WDPCP: variants seen among roughly 807,000 people sequenced by gnomAD.
WDPCP encodes WD repeat containing planar cell polarity effector, also known as WD repeat-containing and planar cell polarity effector protein fritz homolog.
A neutral mutation model predicts 93.1 loss-of-function variants in WDPCP; 71 were observed. The observed-to-expected ratio is 0.76, with a 90% CI of 0.63 to 0.93. The LOEUF (loss-of-function observed/expected upper bound fraction) is 0.93. WDPCP is among the 40% of genes least tolerant of loss of function. The probability of loss-of-function intolerance (pLI) is 0.00; values close to 1 mark genes in which losing one functional copy is unlikely to be tolerated. For missense variants in WDPCP, 844 were observed against 887.4 expected (o/e 0.95, Z 0.62); for synonymous variants, 315 against 315.0 (o/e 1.00, Z 0.00).
chr2:63,804,537 G>A (rs1472989369), intron 2 of WDPCP, among the ~76,000 whole-genome samples: 2 of 151,384 alleles, frequency 1.3e-5, no homozygotes, highest in Non-Finnish European at 2.9e-5. Context: ...TTACAGGTGT[G>A]AGTCACCTCG....
At chr2:63,239,941 T>G (rs1472651843) in intron 14 of WDPCP, among the ~76,000 whole-genome samples, 1 of 152,196 alleles carries the variant, frequency 6.6e-6, no homozygotes, top group African/African-American at 2.4e-5. Flanking sequence ...TGGATATGAA[T>G]AAATGATTTT....
intron 3 of WDPCP, among the ~76,000 whole-genome samples, chr2:63,638,643 A>G (rs574859861): frequency 6.6e-6 from 1 of 152,004 alleles, no homozygotes; most frequent in Non-Finnish European, 1.5e-5. Context: ...TAAAAAATTG[A>G]CTAGGTATGG....
At chr2:63,657,205 G>GTTTT (rs61597471) in intron 2 of WDPCP, among the ~76,000 whole-genome samples, 3,430 of 114,080 alleles carry the variant, frequency 0.03, 385 homozygotes, top group African/African-American at 0.077. Context: ...TCTGGGTGAT[G>GTTTT]TTTTTTTTTT....
chr2:63,761,904 A>C (rs1670060862), intron 2 of WDPCP, among the ~76,000 whole-genome samples: 1 of 152,198 alleles, frequency 6.6e-6, no homozygotes, highest in South Asian at 2.1e-4. Context: ...CTGCCTTATA[A>C]CATGGTATTA....
intron 2 of WDPCP, among the ~76,000 whole-genome samples, chr2:63,658,361 G>A (rs1433051014): frequency 6.6e-6 from 1 of 152,194 alleles, no homozygotes; most frequent in Non-Finnish European, 1.5e-5. Flanking sequence ...GCTTCAGAAA[G>A]TCCTTATGGG....
At chr2:63,541,454 G>A (rs1281148748) in intron 1 of WDPCP, among the ~76,000 whole-genome samples, 2 of 152,066 alleles carry the variant, frequency 1.3e-5, no homozygotes, top group African/African-American at 4.8e-5. Context: ...TGAAAAAGAA[G>A]CATATTTCAG....
chr2:63,146,406 G>GTTT (rs33976806), intron 17 of WDPCP, among the ~76,000 whole-genome samples: 3 of 130,418 alleles, frequency 2.3e-5, no homozygotes, highest in Admixed American at 7.7e-5. Context: ...TTGAGAGCGT[G>GTTT]TTTTTTTTTT....
At chr2:63,475,616 G>A (rs1438564054) in intron 6 of WDPCP, among the ~76,000 whole-genome samples, 1 of 152,026 alleles carries the variant, frequency 6.6e-6, no homozygotes, top group Non-Finnish European at 1.5e-5. Context: ...TGTTGATAGA[G>A]AGCTTAATAA....
chr2:63,562,258 C>T (rs1361689995), intron 1 of WDPCP, among the ~76,000 whole-genome samples: 1 of 152,176 alleles, frequency 6.6e-6, no homozygotes, highest in African/African-American at 2.4e-5. Context: ...CCTCAGCAAA[C>T]TAACACAGGA....
At chr2:63,529,972 C>G (rs1703697009) in intron 1 of WDPCP, among the ~76,000 whole-genome samples, 1 of 152,134 alleles carries the variant, frequency 6.6e-6, no homozygotes, top group Admixed American at 6.5e-5. Context: ...TCTAGATTTT[C>G]TAGTTTATTT....
chr2:63,683,791 G>C (rs1211041497), intron 2 of WDPCP, among the ~76,000 whole-genome samples: 1 of 151,806 alleles, frequency 6.6e-6, no homozygotes, highest in Non-Finnish European at 1.5e-5. Flanking sequence ...GGAGGTTGCA[G>C]TGAGCCAAGA....
chr2:63,783,417 C>T (rs1460777572), intron 2 of WDPCP, among the ~76,000 whole-genome samples: 1 of 151,798 alleles, frequency 6.6e-6, no homozygotes, highest in Non-Finnish European at 1.5e-5. Context: ...AAGACTCTGT[C>T]TCTAAAAAAA....
intron 17 of WDPCP, among the ~76,000 whole-genome samples, chr2:63,148,837 T>C (rs543239330): frequency 7.6e-5 from 11 of 144,146 alleles, no homozygotes; most frequent in Non-Finnish European, 1.5e-4. Context: ...CAAAGACTAA[T>C]AGGGTTAAAA....
intron 12 of WDPCP, among the ~76,000 whole-genome samples, chr2:63,321,284 A>G (rs1367038560): frequency 3.9e-5 from 6 of 152,068 alleles, no homozygotes; most frequent in Admixed American, 2.6e-4. Context: ...TTATAGAACA[A>G]TATCAGTCTG....
chr2:63,702,896 AAT>A (rs1669081408), intron 2 of WDPCP, among the ~76,000 whole-genome samples: 1 of 145,414 alleles, frequency 6.9e-6, no homozygotes, highest in African/African-American at 2.5e-5. Flanking sequence ...AACAGTCCCC[AAT>A]GTGTGATGTT....
At chr2:63,598,131 T>C (rs1275230811) in intron 3 of WDPCP, 2 of 152,104 alleles carry the variant, frequency 1.3e-5, no homozygotes, top group African/African-American at 4.8e-5. Flanking sequence ...TTTTTATTAA[T>C]TTTTTTAATT....
intron 13 of WDPCP, among the ~76,000 whole-genome samples, chr2:63,280,618 T>C (rs967769722): frequency 1.3e-5 from 2 of 152,164 alleles, no homozygotes; most frequent in Non-Finnish European, 2.9e-5. Context: ...ATGGTACTGG[T>C]ATAAAAATAG....
chr2:63,485,138 A>C (rs1265314912), intron 4 of WDPCP, 151 bp from the exon 5 acceptor site: 1 of 792,142 alleles, frequency 1.3e-6, no homozygotes, highest in Non-Finnish European at 2.1e-6. Flanking sequence ...AGCCTTATGA[A>C]AGGCTTTGTC....
chr2:63,800,116 C>G (rs1670673663), intron 2 of WDPCP, among the ~76,000 whole-genome samples: 1 of 152,022 alleles, frequency 6.6e-6, no homozygotes, highest in Non-Finnish European at 1.5e-5. Context: ...TGTGAATATT[C>G]ACTGATCCCA....
Sources: gnomAD v4.1 joint callset for allele counts (sites outside exome capture counted in the v4.1 genomes callset) on GRCh38, gnomAD v4.1.1 for gene constraint, MANE v1.5 for transcripts, NCBI Gene and HGNC (gene_info 2026-07-23, HGNC 2026-07-21) for gene names.